HS6ST3: variants seen among roughly 807,000 people sequenced by gnomAD.
The protein encoded by HS6ST3 is heparan sulfate 6-O-sulfotransferase 3, also known as heparan-sulfate 6-O-sulfotransferase 3.
A neutral mutation model predicts 36.7 loss-of-function variants in HS6ST3; 12 were observed. That is an observed-to-expected ratio of 0.33 (90% CI 0.21 to 0.53). The LOEUF (loss-of-function observed/expected upper bound fraction) is 0.53. Among genes scored for constraint, HS6ST3 ranks in the 20% least tolerant of loss-of-function variants. The pLI, the probability that HS6ST3 is intolerant of heterozygous loss-of-function variation, is 0.95. For synonymous variants in HS6ST3, 240 were observed against 257.5 expected (o/e 0.93, Z 0.65); for missense variants, 584 against 640.9 (o/e 0.91, Z 0.96).
rs747439262 is a variant in HS6ST3, at chr13:96,459,100, T to TAAAAAAAAAAA, written c.707+367546_707+367556dup. 4.7e-4 allele frequency among the ~76,000 whole-genome samples: 30 copies of TAAAAAAAAAAA among 63,880 alleles called. 1 individual carries two copies. The highest frequency in any genetic ancestry group is 2.0e-3 in the African/African-American group (22 of 11,138). The allele number at this position is 63,880 out of a possible 152,430, so 41.9% of individuals were successfully genotyped here. A position where few individuals can be genotyped will look rare whatever the true frequency, so the allele number is the denominator to read the frequency against. On this transcript the variant is annotated intron_variant, in intron 1 of 1. Coordinates refer to ENST00000376705, the MANE Select transcript of HS6ST3 (RefSeq NM_153456.4). Reference sequence around the variant, plus strand: ...GCCTGGGCGACAGAGCAAGACTGTCTAAAAAAAAAAAAAAAAAAAAAAAAA... The same window carrying TAAAAAAAAAAA: ...GCCTGGGCGACAGAGCAAGACTGTCTAAAAAAAAAAAAAAAAAAAAAAAAAAAAAAAAAAAA...
intron 1 of HS6ST3, among the ~76,000 whole-genome samples, chr13:96,112,459 G>A (rs1286873856): frequency 6.6e-6 from 1 of 151,040 alleles, no homozygotes; most frequent in Non-Finnish European, 1.5e-5. Context: ...CAGGTCAGAT[G>A]TGGTGGCCCA....
At chr13:96,651,258 C>G (rs762410525) in intron 1 of HS6ST3, among the ~76,000 whole-genome samples, 10 of 152,044 alleles carry the variant, frequency 6.6e-5, no homozygotes, top group Non-Finnish European at 1.2e-4. Flanking sequence ...GTTCTTATCT[C>G]TACTCCTTTC....
At chr13:96,798,375 A>T (rs1877965033) in intron 1 of HS6ST3, among the ~76,000 whole-genome samples, 1 of 152,032 alleles carries the variant, frequency 6.6e-6, no homozygotes, top group South Asian at 2.1e-4. Context: ...CAACCCTCTG[A>T]TCCTACCTTT....
chr13:96,598,735 C>T (rs1014794381), intron 1 of HS6ST3, among the ~76,000 whole-genome samples: 6 of 152,102 alleles, frequency 3.9e-5, no homozygotes, highest in African/African-American at 7.2e-5. Flanking sequence ...TGAGTGTGGG[C>T]ATCCTTGTCT....
intron 1 of HS6ST3, among the ~76,000 whole-genome samples, chr13:96,525,196 C>T (rs2056108995): frequency 6.6e-6 from 1 of 152,138 alleles, no homozygotes; most frequent in African/African-American, 2.4e-5. Flanking sequence ...GACCTTCAAC[C>T]TCTCTCCTCA....
chr13:96,523,192 C>T (rs1485205757), intron 1 of HS6ST3, among the ~76,000 whole-genome samples: 1 of 152,208 alleles, frequency 6.6e-6, no homozygotes, highest in African/African-American at 2.4e-5. Context: ...TATTGGCCCC[C>T]ACTCTCTTCT....
chr13:96,831,954 C>CAAAAAAAAA lies in HS6ST3; in HGVS notation c.708-518_708-510dup, dbSNP rs35266831. Among the ~76,000 whole-genome samples, 177 of 21,844 alleles carry CAAAAAAAAA rather than the reference C, an allele frequency of 8.1e-3. 34 individuals are homozygous for CAAAAAAAAA. The highest frequency in any genetic ancestry group is 0.013 in the African/African-American group (71 of 5,426). 14.3% of individuals were successfully genotyped at this position (21,844 alleles called of 152,430 possible). On this transcript the variant is annotated intron_variant, in intron 1 of 1. Coordinates refer to ENST00000376705, the MANE Select transcript of HS6ST3 (RefSeq NM_153456.4). ...TGGGTGACAGAGCAAGACTCCCTCT[C>CAAAAAAAAA]AAAAAAAAAAAAAAAAAAAAAAAAA...
Position 96,302,838 on chromosome 13 carries a change from CTT to C in HS6ST3, c.707+211270_707+211271del, listed in dbSNP as rs567081485. On this transcript the variant is annotated intron_variant, in intron 1 of 1. Coordinates refer to ENST00000376705, the MANE Select transcript of HS6ST3 (RefSeq NM_153456.4). ...CTAGATGATTTATAGTGTGCTATCT[CTT>C]GTTTTAAGGTTCTATATACCTATAA... Among the ~76,000 whole-genome samples the C allele has an allele frequency of 7.2e-4, 110 of 152,184 alleles. 2 individuals are homozygous for C. Among genetic ancestry groups the C allele is most frequent in the African/African-American group, 2.5e-3 (105 of 41,550 alleles).
chr13:96,170,485 G>A (rs1355280227), intron 1 of HS6ST3, among the ~76,000 whole-genome samples: 5 of 152,200 alleles, frequency 3.3e-5, no homozygotes, highest in Admixed American at 6.5e-5. Flanking sequence ...ATGTGATCCT[G>A]TTAGTGAGCT....
chr13:96,824,293 C>T (rs2138544346), intron 1 of HS6ST3, among the ~76,000 whole-genome samples: 1 of 152,382 alleles, frequency 6.6e-6, no homozygotes, highest in East Asian at 1.9e-4. Context: ...AAGAGAACCA[C>T]ATGCACGCAT....
intron 1 of HS6ST3, among the ~76,000 whole-genome samples, chr13:96,773,155 G>T (rs1877306439): frequency 6.6e-6 from 1 of 152,196 alleles, no homozygotes; most frequent in South Asian, 2.1e-4. Flanking sequence ...CTTTTACCAT[G>T]GTCTTTGCAC....
At chr13:96,314,026 C>A (rs1048391290) in intron 1 of HS6ST3, among the ~76,000 whole-genome samples, 9 of 152,146 alleles carry the variant, frequency 5.9e-5, no homozygotes, top group Non-Finnish European at 1.2e-4. Context: ...CATGACAAAA[C>A]CCCATCTCTA....
At position 96,531,584 on chromosome 13, in the gene HS6ST3, G is replaced by A. The variant is rs1358179378; in HGVS notation, c.708-300906G>A. 2.0e-5 allele frequency among the ~76,000 whole-genome samples: 3 copies of A among 152,146 alleles called. No homozygotes were observed. The East Asian group carries it at 5.8e-4, about 29-fold the overall frequency. Reference sequence around the variant, plus strand: ...GTGCAGGTCAGCAGGGCAGAGGGTGGTCTGTGACCCATTAATGCTTTTGCA... The same window carrying A: ...GTGCAGGTCAGCAGGGCAGAGGGTGATCTGTGACCCATTAATGCTTTTGCA... On this transcript the variant is annotated intron_variant, in intron 1 of 1. Coordinates refer to ENST00000376705, the MANE Select transcript of HS6ST3 (RefSeq NM_153456.4).
chr13:96,288,589 C>T (rs973667633), intron 1 of HS6ST3, among the ~76,000 whole-genome samples: 1 of 151,964 alleles, frequency 6.6e-6, no homozygotes, highest in Non-Finnish European at 1.5e-5. Context: ...ATTTAGCAGC[C>T]ATTCCCAATA....
chr13:96,430,616 T>C (rs2055610506), intron 1 of HS6ST3, among the ~76,000 whole-genome samples: 1 of 152,192 alleles, frequency 6.6e-6, no homozygotes, highest in Non-Finnish European at 1.5e-5. Flanking sequence ...AAGGCCCTGC[T>C]CTTCTCTTTA....
At chr13:96,405,474 C>T (rs770976441) in intron 1 of HS6ST3, among the ~76,000 whole-genome samples, 3 of 152,164 alleles carry the variant, frequency 2.0e-5, no homozygotes, top group Non-Finnish European at 4.4e-5. Flanking sequence ...GTACCTTCTG[C>T]ATCTAACACC....
intron 1 of HS6ST3, among the ~76,000 whole-genome samples, chr13:96,751,408 G>A (rs529365033): frequency 6.6e-6 from 1 of 152,208 alleles, no homozygotes; most frequent in Admixed American, 6.5e-5. Flanking sequence ...GGAATCCTGA[G>A]AGCCACCAGA....
At chr13:96,528,483 A>G (rs1425879778) in intron 1 of HS6ST3, among the ~76,000 whole-genome samples, 1 of 152,180 alleles carries the variant, frequency 6.6e-6, no homozygotes, top group Non-Finnish European at 1.5e-5. Flanking sequence ...TGTTGGTGAA[A>G]TTAATAAATA....
chr13:96,749,030 C>A (rs1056516692), intron 1 of HS6ST3, among the ~76,000 whole-genome samples: 2 of 152,098 alleles, frequency 1.3e-5, no homozygotes, highest in African/African-American at 2.4e-5. Flanking sequence ...TGCCGTCCTT[C>A]CATTTTTTCT....
Sources: gnomAD v4.1 joint callset for allele counts (sites outside exome capture counted in the v4.1 genomes callset) on GRCh38, gnomAD v4.1.1 for gene constraint, MANE v1.5 for transcripts, NCBI Gene and HGNC (gene_info 2026-07-23, HGNC 2026-07-21) for gene names.